Variants in ROBO2 observed in about 807,000 individuals in gnomAD.
ROBO2 encodes the protein roundabout guidance receptor 2.
ROBO2 carries 53 observed loss-of-function variants against 160.8 expected under a neutral mutation model. That is an observed-to-expected ratio of 0.33 (90% CI 0.26 to 0.41). The LOEUF (loss-of-function observed/expected upper bound fraction) is 0.41, where lower values mean the gene tolerates loss of function less well. Ranked by LOEUF, ROBO2 falls within the 10% of genes least tolerant of loss-of-function variation. ROBO2 has a pLI of 1.00. For missense variants in ROBO2, 1,577 were observed against 1,722.4 expected, an observed-to-expected ratio of 0.92 and a Z score of 1.49; for synonymous variants, 664 against 611.7, an observed-to-expected ratio of 1.09 and a Z score of -1.26.
At chr3:76,703,624 T>C (rs2093093259) in intron 2 of ROBO2, among the ~76,000 whole-genome samples, 1 of 152,158 alleles carries the variant, frequency 6.6e-6, no homozygotes, top group Non-Finnish European at 1.5e-5. Context: ...TTTGGTTTTC[T>C]GTTCCTGTGT....
intron 2 of ROBO2, among the ~76,000 whole-genome samples, chr3:76,218,920 A>G (rs988459102): frequency 5.3e-5 from 8 of 152,208 alleles, no homozygotes; most frequent in Non-Finnish European, 1.0e-4. Context: ...CTATACTACA[A>G]GGCTACAGTA....
intron 2 of ROBO2, among the ~76,000 whole-genome samples, chr3:77,355,663 A>G (rs1581287978): frequency 6.6e-6 from 1 of 152,220 alleles, no homozygotes; most frequent in Non-Finnish European, 1.5e-5. Flanking sequence ...ATACTAAAAA[A>G]CAATGAAAGT....
At chr3:77,151,022 A>T (rs1462131575) in intron 2 of ROBO2, among the ~76,000 whole-genome samples, 1 of 152,142 alleles carries the variant, frequency 6.6e-6, no homozygotes, top group African/African-American at 2.4e-5. Flanking sequence ...TTCCAATTAA[A>T]ATCAAATTGC....
At chr3:76,038,593 G>T (rs2107750637) in intron 2 of ROBO2, among the ~76,000 whole-genome samples, 1 of 151,980 alleles carries the variant, frequency 6.6e-6, no homozygotes, top group East Asian at 1.9e-4. Context: ...TAACACCAGT[G>T]TCCCCATGGG....
chr3:77,173,814 C>T lies in ROBO2; in HGVS notation c.388+75474C>T, dbSNP rs375022610. ...TAAAAGGCTCAGTGGTTATAAAAAA[C>T]AATATTATTTCTCCTAATTCTCATG... On this transcript the variant is annotated intron_variant, in intron 2 of 25. Coordinates refer to ENST00000461745, the Ensembl canonical transcript of ROBO2. Among the ~76,000 whole-genome samples the T allele has an allele frequency of 7.9e-5, 12 of 152,112 alleles. No individual in the cohort carries two copies. The East Asian group carries it at 1.7e-3, about 22-fold the overall frequency.
intron 2 of ROBO2, among the ~76,000 whole-genome samples, chr3:76,485,943 G>A (rs2079473384): frequency 6.6e-6 from 1 of 152,136 alleles, no homozygotes; most frequent in African/African-American, 2.4e-5. Context: ...TGGAAACATG[G>A]AAGAAAGAAA....
chr3:76,254,873 G>A (rs188177168), intron 2 of ROBO2, among the ~76,000 whole-genome samples: 10 of 152,090 alleles, frequency 6.6e-5, no homozygotes, highest in Admixed American at 6.6e-4. Context: ...AAGCAACTAA[G>A]TAAAATGTAC....
At chr3:76,954,466 G>T (rs1254926982) in intron 2 of ROBO2, among the ~76,000 whole-genome samples, 1 of 152,102 alleles carries the variant, frequency 6.6e-6, no homozygotes, top group East Asian at 1.9e-4. Flanking sequence ...CACCTGAATG[G>T]CATATATTTC....
At chr3:76,108,562 A>G (rs534526829) in intron 2 of ROBO2, among the ~76,000 whole-genome samples, 2 of 151,960 alleles carry the variant, frequency 1.3e-5, no homozygotes, top group East Asian at 1.9e-4. Context: ...TATCTATACT[A>G]TGGATACTTT....
At chr3:77,091,895 G>A (rs1384480564) in intron 1 of ROBO2, among the ~76,000 whole-genome samples, 4 of 151,764 alleles carry the variant, frequency 2.6e-5, no homozygotes, top group Admixed American at 2.0e-4. Context: ...CACGAGAATC[G>A]CTTCAACCTG....
At chr3:77,189,216 C>T (rs1223877225) in intron 2 of ROBO2, among the ~76,000 whole-genome samples, 1 of 151,672 alleles carries the variant, frequency 6.6e-6, no homozygotes. Context: ...GATTATTGTA[C>T]TACTTTGTTT....
At chr3:77,560,436 C>T (rs542619952) in intron 9 of ROBO2, among the ~76,000 whole-genome samples, 3 of 152,008 alleles carry the variant, frequency 2.0e-5, no homozygotes, top group African/African-American at 4.8e-5. Flanking sequence ...GTTTTAGCAA[C>T]GATATTTAGG....
intron 1 of ROBO2, among the ~76,000 whole-genome samples, chr3:75,919,374 C>T (rs914682405): frequency 2.6e-5 from 4 of 152,144 alleles, no homozygotes; most frequent in Non-Finnish European, 4.4e-5. Flanking sequence ...GCCTTGCATG[C>T]CAGGCATGAA....
intron 1 of ROBO2, among the ~76,000 whole-genome samples, chr3:77,080,034 T>C (rs150868417): frequency 1.3e-5 from 2 of 152,204 alleles, no homozygotes; most frequent in Admixed American, 6.5e-5. Context: ...AAACAAAAGA[T>C]AGATTGAATT....
At chr3:76,140,158 A>G (rs759023330) in intron 2 of ROBO2, among the ~76,000 whole-genome samples, 2 of 152,062 alleles carry the variant, frequency 1.3e-5, no homozygotes, top group Non-Finnish European at 2.9e-5. Context: ...AAGCTTCAGA[A>G]TGTCGCTCAA....
At chr3:76,581,292 G>A (rs1470410593) in intron 2 of ROBO2, among the ~76,000 whole-genome samples, 1 of 152,072 alleles carries the variant, frequency 6.6e-6, no homozygotes, top group Admixed American at 6.6e-5. Context: ...TACTTTTAAT[G>A]TTTTAAGAGT....
chr3:77,277,103 G>C (rs1266306193), intron 2 of ROBO2, among the ~76,000 whole-genome samples: 1 of 151,932 alleles, frequency 6.6e-6, no homozygotes, highest in African/African-American at 2.4e-5. Context: ...GAGAGAGAGA[G>C]AGAAATAAAA....
chr3:76,043,620 CAAAAAAAAAAAAAA>C (rs56988287), intron 2 of ROBO2, among the ~76,000 whole-genome samples: 6 of 38,450 alleles, frequency 1.6e-4, no homozygotes, highest in East Asian at 1.0e-3. Flanking sequence ...CTTCATCGTC[CAAAAAAAAAAAAAA>C]AAAAAAAAAA....
intron 2 of ROBO2, among the ~76,000 whole-genome samples, chr3:76,436,159 A>AACACACACACACACAC (rs3065704): frequency 0.05 from 6,998 of 140,542 alleles, 237 homozygotes; most frequent in African/African-American, 0.085. Flanking sequence ...TTAAAAGGAA[A>AACACACACACACACAC]ACACACACAC....
Sources: gnomAD v4.1 joint callset for allele counts (sites outside exome capture counted in the v4.1 genomes callset) on GRCh38, gnomAD v4.1.1 for gene constraint, MANE v1.5 for transcripts, NCBI Gene and HGNC (gene_info 2026-07-23, HGNC 2026-07-21) for gene names.